SEC22B: variants seen among roughly 807,000 people sequenced by gnomAD.
SEC22B encodes vesicle-trafficking protein SEC22b.
A neutral mutation model predicts 31.4 loss-of-function variants in SEC22B; 10 were observed. The observed-to-expected ratio is 0.32, with a 90% CI of 0.20 to 0.54. SEC22B has a LOEUF of 0.54. SEC22B is among the 20% of genes least tolerant of loss of function. SEC22B has a pLI of 0.94. For missense variants in SEC22B, 130 were observed against 263.4 expected, an observed-to-expected ratio of 0.49 and a Z score of 3.50; for synonymous variants, 60 against 95.9, an observed-to-expected ratio of 0.63 and a Z score of 2.19.
In SEC22B at chr1:120,151,275, G is replaced by C. The variant is rs368727753; in HGVS notation, c.*5763C>G. The stretch of plus-strand genomic sequence containing the variant: ...GTGGCTAAGACAAAACAAAGCTGGT[G>C]GGGAGTGGCAGGAGGTAAGTCTAGA... On this transcript the variant is annotated 3_prime_UTR_variant, in exon 5 of 5. Coordinates refer to ENST00000578049, the MANE Select transcript of SEC22B (RefSeq NM_004892.6). 2,619 of 152,264 alleles carry C rather than the reference G, an allele frequency of 0.017. 48 individuals are homozygous for C. The highest frequency in any genetic ancestry group is 0.028 in the Non-Finnish European group (1,927 of 68,018). The allele number at this position is 152,264 out of a possible 1,614,324, so 9.4% of individuals were successfully genotyped here. A position where few individuals can be genotyped will look rare whatever the true frequency, so the allele number is the denominator to read the frequency against.
chr1:120,160,897 C>CA (rs1358538530), intron 3 of SEC22B, among the ~76,000 whole-genome samples: 2,944 of 137,778 alleles, frequency 0.021, 83 homozygotes, highest in East Asian at 0.1. Context: ...GTCTCAAAAA[C>CA]AAAAAAAAAA....
Position 120,176,363 on chromosome 1 carries a change from T to G in SEC22B, c.19A>C (p.Ile7Leu). 1.2e-6 allele frequency: 2 copies of G among 1,613,784 alleles called. No homozygotes were observed. Among genetic ancestry groups the G allele is most frequent in the Non-Finnish European group, 8.5e-7 (1 of 1,179,876 alleles). MVLLTM[I>L]ARVADGLPLA... is the part of the protein sequence containing the mutation. ...GGGAGCCCGTCCGCCACTCGGGCGATCATTGTTAGCAACACCATCTTCACA... is the reference window on the plus strand; with the variant it reads ...GGGAGCCCGTCCGCCACTCGGGCGAGCATTGTTAGCAACACCATCTTCACA... Residue 7 changes from isoleucine to leucine, a missense_variant, in exon 1 of 5, where the codon ATC becomes CTC. Ile to Leu is a conservative substitution (Grantham distance 5). Around this residue, in one of 4 missense-constraint regions of SEC22B, gnomAD observed 32 missense variants for 26.3 expected, o/e 1.22. Coordinates refer to ENST00000578049, the MANE Select transcript of SEC22B (RefSeq NM_004892.6).
intron 3 of SEC22B, 21 bp from the exon 4 acceptor site, chr1:120,160,551 G>C (rs1657698494): frequency 6.5e-7 from 1 of 1,538,802 alleles, no homozygotes; most frequent in Non-Finnish European, 8.7e-7. Context: ...GAAGAAAACT[G>C]ACCATTTCTT....
chr1:120,153,485 C>T lies in SEC22B; in HGVS notation c.*3553G>A, dbSNP rs1553228998. 1 of 146,692 alleles carries T rather than the reference C, an allele frequency of 6.8e-6. No homozygotes were observed. The highest frequency in any genetic ancestry group is 1.5e-5 in the Non-Finnish European group (1 of 67,356). 9.1% of individuals were successfully genotyped at this position (146,692 alleles called of 1,614,324 possible). The stretch of plus-strand genomic sequence containing the variant: ...TCCTTCTTAACTTGCTTTTGTAAGA[C>T]TTATTAAGTAGAAAATATAAATCTC... On this transcript the variant is annotated 3_prime_UTR_variant, in exon 5 of 5. Transcript: ENST00000578049.
chr1:120,176,015 G>T (rs1657955068), intron 1 of SEC22B, among the ~76,000 whole-genome samples: 4 of 152,236 alleles, frequency 2.6e-5, no homozygotes, highest in Admixed American at 2.0e-4. Context: ...TTTTAACAAA[G>T]TCCCTAAAGA....
At chr1:120,170,449 T>C (rs1230181941) in intron 1 of SEC22B, among the ~76,000 whole-genome samples, 1 of 146,586 alleles carries the variant, frequency 6.8e-6, no homozygotes, top group Non-Finnish European at 1.5e-5. Context: ...TCAGCAAATG[T>C]ACAATTACAG....
chr1:120,152,924 T>A lies in SEC22B; in HGVS notation c.*4114A>T, dbSNP rs1416402054. 2.0e-5 allele frequency: 3 copies of A among 149,382 alleles called. No individual in the cohort carries two copies. Among genetic ancestry groups the A allele is most frequent in the African/African-American group, 5.1e-5 (2 of 39,342 alleles). 9.3% of individuals were successfully genotyped at this position (149,382 alleles called of 1,614,324 possible). A position where few individuals can be genotyped will look rare whatever the true frequency, so the allele number is the denominator to read the frequency against. On this transcript the variant is annotated 3_prime_UTR_variant, in exon 5 of 5. Transcript: ENST00000578049. ...CTTGGGCAAGCAAAGAAACTCCTCATAACCATTGTAATAATACCAGCAAAA... is the reference window on the plus strand; with the variant it reads ...CTTGGGCAAGCAAAGAAACTCCTCAAAACCATTGTAATAATACCAGCAAAA...
rs1195945267 is a variant in SEC22B, at chr1:120,151,978, G to A, written c.*5060C>T. The A allele has an allele frequency of 6.6e-6, 1 of 152,098 alleles. No individual in the cohort carries two copies. Among genetic ancestry groups the A allele is most frequent in the Non-Finnish European group, 1.5e-5 (1 of 68,076 alleles). The allele number at this position is 152,098 out of a possible 1,614,324, so 9.4% of individuals were successfully genotyped here. A position where few individuals can be genotyped will look rare whatever the true frequency, so the allele number is the denominator to read the frequency against. On this transcript the variant is annotated 3_prime_UTR_variant, in exon 5 of 5. Coordinates refer to ENST00000578049, the MANE Select transcript of SEC22B (RefSeq NM_004892.6). ...ACTAGAAATATAAGAAGCAGCACAG[G>A]TTTGGTTTTATCTTTGAGAACAATG...
intron 2 of SEC22B, among the ~76,000 whole-genome samples, chr1:120,163,825 G>A (rs1185903906): frequency 6.6e-6 from 1 of 150,940 alleles, no homozygotes; most frequent in African/African-American, 2.5e-5. Flanking sequence ...TGATCCGCCC[G>A]CCTCAGCCTC....
chr1:120,160,523 G>A lies in SEC22B; in HGVS notation c.354C>T (p.Phe118=), dbSNP rs1361197086. 82 of 1,579,010 alleles carry A rather than the reference G, an allele frequency of 5.2e-5. No homozygotes were observed. Among genetic ancestry groups the A allele is most frequent in the Admixed American group, 7.4e-5 (4 of 54,122 alleles). ...TGTAGAGCTTCTTGGTTTTCTGAAT[G>A]AAAGTATCTAGAATGATGAAGAAAA... The part of the protein sequence containing the change: ...RPYSFIEFDT[F]IQKTKKLYID... The change falls in exon 4 of 5, where the codon TTC becomes TTT. Residue 118 remains phenylalanine (F), a synonymous_variant. Coordinates refer to ENST00000578049, the MANE Select transcript of SEC22B (RefSeq NM_004892.6).
intron 3 of SEC22B, among the ~76,000 whole-genome samples, chr1:120,161,929 A>G (rs1163148923): frequency 7.7e-6 from 1 of 130,570 alleles, no homozygotes; most frequent in Non-Finnish European, 1.5e-5. Context: ...AAGCGCCTCA[A>G]GACTCCTTGC....
chr1:120,157,406 G>A (rs1657644725), intron 4 of SEC22B: 1 of 347,740 alleles, frequency 2.9e-6, no homozygotes, highest in Non-Finnish European at 5.2e-6. Context: ...GGTTAGAAGT[G>A]CAGGTTCTGG....
intron 2 of SEC22B, among the ~76,000 whole-genome samples, chr1:120,166,017 T>A: frequency 6.6e-6 from 1 of 151,148 alleles, no homozygotes; most frequent in East Asian, 1.9e-4. Flanking sequence ...GACATGCGAA[T>A]GGCCAAGTAT....
In SEC22B at chr1:120,176,290, G is replaced by T; in HGVS notation, c.75+17C>A. 1.9e-6 allele frequency: 3 copies of T among 1,606,524 alleles called. No individual in the cohort carries two copies. The highest frequency in any genetic ancestry group is 2.5e-6 in the Non-Finnish European group (3 of 1,178,746). On this transcript the variant is annotated intron_variant, in intron 1 of 4. Transcript: ENST00000578049. ...TGACAGAGACTTGGGGTCGCGGGTC[G>T]TGAGTAAGCAGCTCACCTGTTCGTC...
chr1:120,167,534 C>T (rs1459640344), intron 2 of SEC22B, among the ~76,000 whole-genome samples: 2 of 151,894 alleles, frequency 1.3e-5, no homozygotes, highest in Admixed American at 1.3e-4. Context: ...AAACTTACCC[C>T]CTACAAATGG....
At chr1:120,157,362 T>A in intron 4 of SEC22B, 170 bp from the exon 5 acceptor site, 1 of 463,882 alleles carries the variant, frequency 2.2e-6, no homozygotes, top group East Asian at 3.5e-5. Context: ...GCTGATCAGA[T>A]GATGTCTGAA....
At chr1:120,161,432 C>T (rs1487915950) in intron 3 of SEC22B, among the ~76,000 whole-genome samples, 3,016 of 151,844 alleles carry the variant, frequency 0.02, 74 homozygotes, top group African/African-American at 0.069. Flanking sequence ...GTGTCTCACA[C>T]GTATAAATCC....
intron 1 of SEC22B, among the ~76,000 whole-genome samples, chr1:120,170,612 T>C (rs1426582754): frequency 7.3e-5 from 11 of 151,534 alleles, no homozygotes; most frequent in African/African-American, 2.4e-4. Flanking sequence ...ACCACTGTTA[T>C]GGCAATTATT....
In SEC22B at chr1:120,165,420, A is replaced by G. The variant is rs1272677510; in HGVS notation, c.186-2050T>C. Reference sequence around the variant, plus strand: ...TCTGGAAGGGGCTGTATGATTACACATCTGAGAAATTCTTAGAAAAATGTT... The same window carrying G: ...TCTGGAAGGGGCTGTATGATTACACGTCTGAGAAATTCTTAGAAAAATGTT... On this transcript the variant is annotated intron_variant, in intron 2 of 4. Coordinates refer to ENST00000578049, the MANE Select transcript of SEC22B (RefSeq NM_004892.6). 2.7e-3 allele frequency among the ~76,000 whole-genome samples: 414 copies of G among 152,288 alleles called. 8 individuals carry two copies. The highest frequency in any genetic ancestry group is 0.024 in the Admixed American group (373 of 15,288).
Sources: allele counts gnomAD v4.1 joint callset (sites outside exome capture counted in the v4.1 genomes callset), GRCh38; gene constraint gnomAD v4.1.1; regional missense constraint gnomAD v4.1.1; transcripts MANE v1.5; gene names NCBI Gene and HGNC (gene_info 2026-07-23, HGNC 2026-07-21).